Variants in CLVS1 observed in about 807,000 individuals in gnomAD.
CLVS1 encodes the protein clavesin 1, also known as clavesin-1.
Under a neutral mutation model 33.1 loss-of-function variants are expected in CLVS1, and 10 were observed. The ratio of observed to expected loss-of-function variants is 0.30; its 90% confidence interval spans 0.19 to 0.51. The LOEUF is 0.51. CLVS1 is among the 20% of genes least tolerant of loss of function. The probability of loss-of-function intolerance (pLI) is 0.97; values close to 1 mark genes in which losing one functional copy is unlikely to be tolerated. For synonymous variants in CLVS1, 163 were observed against 166.1 expected (o/e 0.98, Z 0.14); for missense variants, 343 against 433.4 (o/e 0.79, Z 1.85).
At chr8:61,201,766 T>A (rs1251264589) in intron 2 of CLVS1, among the ~76,000 whole-genome samples, 1 of 152,226 alleles carries the variant, frequency 6.6e-6, no homozygotes, top group Non-Finnish European at 1.5e-5. Context: ...CTCTAACAAG[T>A]GTCTGTTTGA....
the CLVS1 span, among the ~76,000 whole-genome samples, chr8:60,975,569 G>T: frequency 6.6e-6 from 1 of 152,260 alleles, no homozygotes; most frequent in African/African-American, 2.4e-5. Flanking sequence ...GCCCCCAGAT[G>T]CAGGAAGAGG....
chr8:61,458,746 T>G, intron 5 of CLVS1: 1 of 475,818 alleles, frequency 2.1e-6, no homozygotes, highest in Non-Finnish European at 3.7e-6. Context: ...CCCCATTGTA[T>G]CAAAGGAATA....
chr8:61,130,210 C>T (rs752733179), intron 1 of CLVS1, among the ~76,000 whole-genome samples: 1 of 148,770 alleles, frequency 6.7e-6, no homozygotes, highest in South Asian at 2.1e-4. Context: ...TGCACTCTAG[C>T]GTGGGAGACA....
chr8:61,262,414 T>C (rs1809224763), intron 2 of CLVS1, among the ~76,000 whole-genome samples: 1 of 152,052 alleles, frequency 6.6e-6, no homozygotes, highest in Non-Finnish European at 1.5e-5. Flanking sequence ...ACAGTGTCTA[T>C]AATCTCAGAT....
intron 3 of CLVS1, among the ~76,000 whole-genome samples, chr8:61,419,815 C>T (rs1815585349): frequency 6.6e-6 from 1 of 152,218 alleles, no homozygotes; most frequent in African/African-American, 2.4e-5. Flanking sequence ...TTAAACTTAA[C>T]TGCATATCTG....
chr8:61,232,041 T>TTGTTTTGTTTTG (rs1554548395), intron 2 of CLVS1, among the ~76,000 whole-genome samples: 1 of 115,986 alleles, frequency 8.6e-6, no homozygotes, highest in Non-Finnish European at 1.6e-5. Context: ...TTTTTTTTTT[T>TTGTTTTGTTTTG]TTTTTTTTTG....
intron 3 of CLVS1, among the ~76,000 whole-genome samples, chr8:61,436,592 C>T (rs1451716472): frequency 2.0e-5 from 3 of 152,182 alleles, no homozygotes; most frequent in Admixed American, 6.5e-5. Flanking sequence ...TAGTACACCA[C>T]ATTTGTTCTT....
chr8:61,208,117 C>T (rs1807894890), intron 2 of CLVS1, among the ~76,000 whole-genome samples: 1 of 152,176 alleles, frequency 6.6e-6, no homozygotes. Flanking sequence ...AATGCAAAGT[C>T]AGAAAACAGA....
At chr8:61,332,881 C>T (rs190396930) in intron 2 of CLVS1, among the ~76,000 whole-genome samples, 8 of 152,294 alleles carry the variant, frequency 5.3e-5, no homozygotes, top group African/African-American at 9.6e-5. Context: ...GTAATCCACT[C>T]GCCTTGGCCT....
At chr8:61,471,001 A>G (rs1817716790) in intron 5 of CLVS1, among the ~76,000 whole-genome samples, 1 of 152,204 alleles carries the variant, frequency 6.6e-6, no homozygotes, top group African/African-American at 2.4e-5. Context: ...GTGGCTGTTC[A>G]TGATAGGCCT....
At chr8:61,283,367 C>A (rs972847141), upstream of CLVS1, among the ~76,000 whole-genome samples, 3 of 152,188 alleles carry the variant, frequency 2.0e-5, no homozygotes, top group African/African-American at 7.2e-5. Flanking sequence ...TATCAGTATA[C>A]AATGATGCAG....
At chr8:61,070,965 C>T (rs1443062224) in intron 1 of CLVS1, among the ~76,000 whole-genome samples, 1 of 152,236 alleles carries the variant, frequency 6.6e-6, no homozygotes, top group Non-Finnish European at 1.5e-5. Context: ...CCTCTTCTCT[C>T]TTGCCCACCT....
intron 2 of CLVS1, among the ~76,000 whole-genome samples, chr8:61,203,817 T>C (rs1401464391): frequency 6.6e-6 from 1 of 152,196 alleles, no homozygotes; most frequent in Admixed American, 6.5e-5. Context: ...TAGCATCTCA[T>C]ATGAGAAGTT....
chr8:61,144,066 T>C (rs1162395280), intron 2 of CLVS1, among the ~76,000 whole-genome samples: 1 of 151,578 alleles, frequency 6.6e-6, no homozygotes, highest in Non-Finnish European at 1.5e-5. Context: ...TACATATATA[T>C]ATACTTTAAG....
At chr8:61,087,263 C>G (rs1177027774) in intron 1 of CLVS1, among the ~76,000 whole-genome samples, 1 of 152,146 alleles carries the variant, frequency 6.6e-6, no homozygotes, top group African/African-American at 2.4e-5. Flanking sequence ...GTGCAGTGGA[C>G]CACTGGGAAA....
At chr8:61,036,223 A>C in the CLVS1 span, among the ~76,000 whole-genome samples, 1 of 152,282 alleles carries the variant, frequency 6.6e-6, no homozygotes, top group East Asian at 1.9e-4. Context: ...AAGAGAAAGA[A>C]TAGCCAGAGG....
At chr8:61,067,774 G>A (rs1804709487) in intron 1 of CLVS1, among the ~76,000 whole-genome samples, 3 of 151,780 alleles carry the variant, frequency 2.0e-5, no homozygotes. Flanking sequence ...CTAAACTTTG[G>A]GTACTTATAG....
At chr8:61,182,731 T>C (rs1004057181) in intron 2 of CLVS1, among the ~76,000 whole-genome samples, 3 of 152,136 alleles carry the variant, frequency 2.0e-5, no homozygotes, top group Non-Finnish European at 4.4e-5. Context: ...TTGTGGAAGA[T>C]AGTGTGGCTA....
the CLVS1 span, among the ~76,000 whole-genome samples, chr8:61,045,678 A>G: frequency 6.6e-6 from 1 of 152,176 alleles, no homozygotes; most frequent in South Asian, 2.1e-4. Flanking sequence ...TTTGTTCATC[A>G]TTTCTGTCAT....
Sources: allele counts gnomAD v4.1 joint callset (sites outside exome capture counted in the v4.1 genomes callset), GRCh38; gene constraint gnomAD v4.1.1; transcripts MANE v1.5; gene names NCBI Gene and HGNC (gene_info 2026-07-23, HGNC 2026-07-21).